The following DDHD2 variants were observed in gnomAD, a reference collection of about 807,000 sequenced individuals.
DDHD2 encodes DDHD domain containing 2.
DDHD2 carries 62 observed loss-of-function variants against 91.2 expected under a neutral mutation model. That is an observed-to-expected ratio of 0.68 (90% confidence interval 0.55 to 0.84). DDHD2 has a LOEUF of 0.84. DDHD2 is among the 40% of genes least tolerant of loss of function. DDHD2 has a pLI of 0.00. For missense variants in DDHD2, 740 were observed against 846.9 expected, an observed-to-expected ratio of 0.87 and a Z score of 1.57; for synonymous variants, 271 against 293.9, an observed-to-expected ratio of 0.92 and a Z score of 0.80.
downstream of DDHD2, chr8:38,267,558 G>A (rs1229345486): frequency 3.9e-6 from 3 of 765,190 alleles, no homozygotes; most frequent in African/African-American, 3.5e-5. Flanking sequence ...GCCTTTCAAG[G>A]TGAGCATTTA....
In DDHD2 at chr8:38,246,282, G is replaced by A. The variant is rs776160773; in HGVS notation, c.1107G>A (p.Gly369=). 7 of 1,608,728 alleles carry A rather than the reference G, an allele frequency of 4.4e-6. No homozygotes were observed. The South Asian group carries it at 6.6e-5, about 15-fold the overall frequency. Residue 369 remains glycine (G), a synonymous_variant, in exon 9 of 18, where the codon GGG becomes GGA. Coordinates refer to ENST00000397166, the MANE Select transcript of DDHD2 (RefSeq NM_015214.3). ...DILTNQKDSL[G]DIDSEKDSLN... is the part of the protein sequence containing the mutation. ...TAACAAATCAGAAAGATTCTTTGGG[G>A]GATATTGACAGTGAAAAGGTAATTT...
At chr8:38,251,627 G>C (rs978419384) in intron 11 of DDHD2, 37 of 277,844 alleles carry the variant, frequency 1.3e-4, no homozygotes, top group Non-Finnish European at 2.0e-4. Context: ...ATTTAATCTT[G>C]TTTTCTGAGG....
At chr8:38,251,048 T>A (rs1246507666) in intron 11 of DDHD2, 1 of 152,206 alleles carries the variant, frequency 6.6e-6, no homozygotes, top group Non-Finnish European at 1.5e-5. Flanking sequence ...TCTTATTAGT[T>A]AGTTTTTTTC....
chr8:38,235,327 C>T (rs1023903073), intron 3 of DDHD2, among the ~76,000 whole-genome samples: 5 of 152,046 alleles, frequency 3.3e-5, no homozygotes, highest in Non-Finnish European at 7.4e-5. Context: ...CTGGCCTCGG[C>T]CTCCCAAAGT....
downstream of DDHD2, chr8:38,263,896 C>T (rs772482051): frequency 3.9e-5 from 38 of 984,220 alleles, no homozygotes; most frequent in Non-Finnish European, 4.6e-5. Flanking sequence ...ATCTGATAGA[C>T]CAGATTCATA....
chr8:38,251,928 CCCCG>C lies in DDHD2; in HGVS notation c.1363_1366del (p.Pro455SerfsTer35), dbSNP rs772518954. 24 of 1,613,758 alleles carry C rather than the reference CCCCG, an allele frequency of 1.5e-5. No homozygotes were observed. The highest frequency in any genetic ancestry group is 1.9e-5 in the Non-Finnish European group (22 of 1,179,774). ...ATTCTTTAGGGTATTAAGAGACCAG[CCCCG>C]CAGCCTGCTTCAGGGGCAAACATCC... is the stretch of plus-strand genomic sequence containing the variant. On this transcript the variant is annotated frameshift_variant, in exon 12 of 18. Transcript: ENST00000397166. LOFTEE classifies it high-confidence loss of function.
intron 10 of DDHD2, 100 bp downstream of exon 10, chr8:38,247,935 A>AG: frequency 1.4e-5 from 12 of 868,316 alleles, no homozygotes; most frequent in South Asian, 2.1e-5. Flanking sequence ...TTAGTCATAA[A>AG]TACTTTATGA....
intron 7 of DDHD2, among the ~76,000 whole-genome samples, chr8:38,245,215 T>C (rs1174025883): frequency 6.6e-6 from 1 of 151,820 alleles, no homozygotes; most frequent in Non-Finnish European, 1.5e-5. Context: ...GTAGATCATC[T>C]GAGGTCAGGA....
At chr8:38,249,544 C>T (rs1805940440) in intron 10 of DDHD2, among the ~76,000 whole-genome samples, 164 bp from the exon 11 acceptor site, 1 of 148,126 alleles carries the variant, frequency 6.8e-6, no homozygotes, top group Non-Finnish European at 1.5e-5. Context: ...CTTTTTTAGG[C>T]TGTTTCATGA....
chr8:38,268,947 C>T, intron 1 of DDHD2: 1 of 1,564,992 alleles, frequency 6.4e-7, no homozygotes, highest in Non-Finnish European at 8.6e-7. Context: ...CACATCTCCT[C>T]CGGCTGGATG....
downstream of DDHD2, chr8:38,264,717 A>T: frequency 7.0e-7 from 1 of 1,436,880 alleles, no homozygotes; most frequent in East Asian, 2.5e-5. Context: ...GGGCTAAAAT[A>T]ACCTCAATTC....
At chr8:38,238,445 TC>T (rs1804978544) in intron 5 of DDHD2, 1 of 1,256,226 alleles carries the variant, frequency 8.0e-7, no homozygotes, top group African/African-American at 1.6e-5. Context: ...ATCCAGGAAG[TC>T]ACTAAGTACA....
chr8:38,266,701 T>G (rs1042066207), downstream of DDHD2, among the ~76,000 whole-genome samples: 2 of 152,164 alleles, frequency 1.3e-5, no homozygotes, highest in Non-Finnish European at 2.9e-5. Flanking sequence ...CACCCGGCCA[T>G]GAGGGTGTTT....
At chr8:38,258,954 G>A (rs1232681753) in intron 16 of DDHD2, among the ~76,000 whole-genome samples, 2 of 152,122 alleles carry the variant, frequency 1.3e-5, no homozygotes, top group Non-Finnish European at 2.9e-5. Flanking sequence ...TTGTGCATAC[G>A]TAGAATAATA....
intron 7 of DDHD2, among the ~76,000 whole-genome samples, chr8:38,243,458 T>A (rs1444853280): frequency 1.3e-5 from 2 of 152,226 alleles, no homozygotes; most frequent in Non-Finnish European, 2.9e-5. Flanking sequence ...TAGAAAACTT[T>A]TTTTTATTAG....
chr8:38,269,295 C>G, intron 1 of DDHD2: 26 of 1,234,968 alleles, frequency 2.1e-5, no homozygotes, highest in Non-Finnish European at 2.7e-5. Context: ...CCCAGTTGCC[C>G]GCGCTCCGGC....
In DDHD2 at chr8:38,253,000, C is replaced by G; in HGVS notation, c.1764C>G (p.Asn588Lys). ...CCAGGATGAGTATGGACCTTAAGAA[C>G]AACTTGCTAGGTTCGCTGCGGATGG... The part of the protein sequence containing the change: ...GLTRMSMDLK[N>K]NLLGSLRMAW... The change falls in exon 15 of 18, where the codon AAC (asparagine) becomes AAG (lysine). Residue 588 changes from asparagine (N) to lysine (K), a missense_variant. By Grantham distance (94) the Asn-to-Lys change is moderately conservative. This residue lies in a region of DDHD2 where 693 missense variants were observed against 764.2 expected (regional missense o/e 0.91). Transcript: ENST00000397166. 1 of 1,614,120 alleles carries G rather than the reference C, an allele frequency of 6.2e-7. No individual in the cohort carries two copies. The highest frequency in any genetic ancestry group is 8.5e-7 in the Non-Finnish European group (1 of 1,180,018).
At chr8:38,234,635 A>C in intron 3 of DDHD2, 51 bp downstream of exon 3, 1 of 1,418,228 alleles carries the variant, frequency 7.1e-7, no homozygotes, top group Non-Finnish European at 9.6e-7. Flanking sequence ...TTATTTAATA[A>C]TCTTTTCTTT....
intron 7 of DDHD2, among the ~76,000 whole-genome samples, chr8:38,243,631 A>G (rs1457931439): frequency 1.3e-5 from 2 of 151,814 alleles, no homozygotes; most frequent in Non-Finnish European, 2.9e-5. Flanking sequence ...GACATCCTGT[A>G]ATTTCATCTG....
Sources: allele counts gnomAD v4.1 joint callset (sites outside exome capture counted in the v4.1 genomes callset), GRCh38; gene constraint gnomAD v4.1.1; regional missense constraint gnomAD v4.1.1; transcripts MANE v1.5; gene names NCBI Gene and HGNC (gene_info 2026-07-23, HGNC 2026-07-21).